SETBP1: variants seen among roughly 807,000 people sequenced by gnomAD.
The protein encoded by SETBP1 is SET binding protein 1, also known as SET-binding protein.
In SETBP1, 9 loss-of-function variants were observed where a neutral mutation model predicts 101.0. That is an observed-to-expected ratio of 0.09 (90% CI 0.05 to 0.16). The LOEUF (loss-of-function observed/expected upper bound fraction) is 0.16. SETBP1 is among the 10% of genes least tolerant of loss of function. SETBP1 has a pLI of 1.00. For missense variants in SETBP1, 1,858 were observed against 2,033.8 expected, an observed-to-expected ratio of 0.91 and a Z score of 1.66; for synonymous variants, 818 against 788.5, an observed-to-expected ratio of 1.04 and a Z score of -0.63.
chr18:44,760,759 G>T (rs2070620537), intron 2 of SETBP1, among the ~76,000 whole-genome samples: 1 of 152,144 alleles, frequency 6.6e-6, no homozygotes, highest in South Asian at 2.1e-4. Flanking sequence ...ATAGAGGGAG[G>T]TGTATATACT....
rs183200951 is a variant in SETBP1, at chr18:44,689,140, T to G, written c.-173+8119T>G. On this transcript the variant is annotated intron_variant, in intron 1 of 5. Transcript: ENST00000649279. ...ATTTCAAAGAGTATGTGTTTAGGATTTGATGGAAGATGTAGAACAAAGGGA... is the reference window on the plus strand; with the variant it reads ...ATTTCAAAGAGTATGTGTTTAGGATGTGATGGAAGATGTAGAACAAAGGGA... 2.9e-4 allele frequency among the ~76,000 whole-genome samples: 44 copies of G among 152,284 alleles called. 1 individual carries two copies. The highest frequency in any genetic ancestry group is 9.6e-4 in the African/African-American group (40 of 41,550).
intron 4 of SETBP1, among the ~76,000 whole-genome samples, chr18:45,032,811 A>G (rs527927514): frequency 7.8e-4 from 119 of 152,254 alleles, no homozygotes; most frequent in African/African-American, 2.5e-3. Flanking sequence ...TTTCTAATTC[A>G]CCCAAAGATG....
chr18:44,973,053 C>T (rs2071904166), intron 4 of SETBP1, among the ~76,000 whole-genome samples: 1 of 152,176 alleles, frequency 6.6e-6, no homozygotes, highest in Admixed American at 6.5e-5. Context: ...TCCGTCCCAT[C>T]AATACCTAAT....
intron 2 of SETBP1, among the ~76,000 whole-genome samples, chr18:44,809,197 A>G (rs781686005): frequency 3.9e-5 from 6 of 152,204 alleles, no homozygotes; most frequent in South Asian, 2.1e-4. Flanking sequence ...TCCTAGAAAC[A>G]TGAGGTTTCC....
intron 4 of SETBP1, among the ~76,000 whole-genome samples, chr18:45,032,714 G>T (rs1169748611): frequency 2.0e-5 from 3 of 152,106 alleles, no homozygotes; most frequent in Admixed American, 2.0e-4. Context: ...CACACAGAAA[G>T]CTGTGTCTTT....
intron 3 of SETBP1, among the ~76,000 whole-genome samples, chr18:44,942,739 A>G (rs1416127860): frequency 2.0e-5 from 3 of 152,198 alleles, no homozygotes; most frequent in Non-Finnish European, 4.4e-5. Flanking sequence ...CTATTACTCT[A>G]TCATGGCTGA....
At position 44,954,437 on chromosome 18, in the gene SETBP1, A is replaced by G. The variant is rs531322023; in HGVS notation, c.4000+1097A>G. Among the ~76,000 whole-genome samples, 85 of 151,894 alleles carry G rather than the reference A, an allele frequency of 5.6e-4. 1 individual carries two copies. Among genetic ancestry groups the G allele is most frequent in the East Asian group, 2.3e-3 (12 of 5,174 alleles). ...CTTTAAAAACCAATCATCCATGTTT[A>G]AGGTTTGGTGTAGCATTTCACTTCT... is the stretch of plus-strand genomic sequence containing the variant. On this transcript the variant is annotated intron_variant, in intron 4 of 5. Coordinates refer to ENST00000649279, the MANE Select transcript of SETBP1 (RefSeq NM_015559.3).
chr18:44,899,862 A>G (rs1189438296), intron 3 of SETBP1, among the ~76,000 whole-genome samples: 2 of 152,162 alleles, frequency 1.3e-5, no homozygotes, highest in South Asian at 2.1e-4. Context: ...AATAAATATT[A>G]TGATTAAAGG....
intron 3 of SETBP1, among the ~76,000 whole-genome samples, chr18:44,947,262 A>G (rs2071228173): frequency 6.6e-6 from 1 of 152,158 alleles, no homozygotes; most frequent in Non-Finnish European, 1.5e-5. Context: ...GAACACGAAA[A>G]AAACATTAAT....
At chr18:45,002,106 C>T (rs908746154) in intron 4 of SETBP1, among the ~76,000 whole-genome samples, 2 of 152,138 alleles carry the variant, frequency 1.3e-5, no homozygotes, top group Non-Finnish European at 2.9e-5. Context: ...AAGCCTTCTC[C>T]CCCACAGTTC....
chr18:44,862,984 G>A (rs2069048801), intron 2 of SETBP1, among the ~76,000 whole-genome samples: 2 of 152,030 alleles, frequency 1.3e-5, no homozygotes, highest in South Asian at 2.1e-4. Context: ...TATGACAGAG[G>A]TTTGTTTGTT....
In SETBP1 at chr18:45,063,522, C is replaced by A. The variant is rs774720855; in HGVS notation, c.4615C>A (p.Pro1539Thr). 2.4e-6 allele frequency: 3 copies of A among 1,248,566 alleles called. No homozygotes were observed. Among genetic ancestry groups the A allele is most frequent in the South Asian group, 1.7e-5 (1 of 58,196 alleles). 77.3% of individuals were successfully genotyped at this position (1,248,566 alleles called of 1,614,324 possible). A position where few individuals can be genotyped will look rare whatever the true frequency, so the allele number is the denominator to read the frequency against. Residue 1539 changes from proline to threonine, a missense_variant, in exon 6 of 6, where the codon CCC becomes ACC. By Grantham distance (38) the Pro-to-Thr change is conservative. Around this residue, in one of 12 missense-constraint regions of SETBP1, gnomAD observed 178 missense variants for 189.1 expected, o/e 0.94. Coordinates refer to ENST00000649279, the MANE Select transcript of SETBP1 (RefSeq NM_015559.3). ...PLPPPPPPPLPPPPPLPKTPR... is the reference protein window; with the variant it reads ...PLPPPPPPPLTPPPPLPKTPR... ...GCCGCCACCGCCGCCACCACCCCTG[C>A]CCCCGCCACCCCCTCTACCCAAGAC... is the stretch of plus-strand genomic sequence containing the variant.
intron 2 of SETBP1, among the ~76,000 whole-genome samples, chr18:44,802,813 A>G (rs2071633863): frequency 6.6e-6 from 1 of 152,154 alleles, no homozygotes; most frequent in South Asian, 2.1e-4. Flanking sequence ...CTCCTTAGTA[A>G]TAGCAGGTCT....
intron 3 of SETBP1, among the ~76,000 whole-genome samples, chr18:44,899,014 G>A (rs539572044): frequency 1.1e-4 from 16 of 152,272 alleles, no homozygotes; most frequent in Admixed American, 3.9e-4. Context: ...AAACAGCCCT[G>A]GGTCTCATAT....
intron 2 of SETBP1, among the ~76,000 whole-genome samples, chr18:44,799,797 G>C (rs2071563732): frequency 6.6e-6 from 1 of 152,112 alleles, no homozygotes; most frequent in Non-Finnish European, 1.5e-5. Flanking sequence ...CAATACTTCT[G>C]ACCTCACTCA....
At chr18:45,026,508 A>G (rs2073167149) in intron 4 of SETBP1, among the ~76,000 whole-genome samples, 1 of 152,168 alleles carries the variant, frequency 6.6e-6, no homozygotes, top group Admixed American at 6.5e-5. Flanking sequence ...AAGCTCCAAT[A>G]TGTTCAGCAA....
At chr18:44,840,681 C>T (rs2072597822) in intron 2 of SETBP1, among the ~76,000 whole-genome samples, 1 of 152,212 alleles carries the variant, frequency 6.6e-6, no homozygotes, top group Non-Finnish European at 1.5e-5. Flanking sequence ...TGGTCCAACT[C>T]TCACGTTCCC....
intron 2 of SETBP1, among the ~76,000 whole-genome samples, chr18:44,779,599 G>C (rs903759365): frequency 6.6e-6 from 1 of 152,090 alleles, no homozygotes; most frequent in Non-Finnish European, 1.5e-5. Flanking sequence ...AAGGGAGAGC[G>C]AGAGGGAAAA....
Position 45,038,592 on chromosome 18 carries a change from G to A in SETBP1, c.4108G>A (p.Val1370Ile). The change falls in exon 5 of 6, where the codon GTT becomes ATT. Residue 1370 changes from valine to isoleucine, a missense_variant. By Grantham distance (29) the Val-to-Ile change is conservative. Transcript: ENST00000649279. ...TRKKPAAVDSVTIPPAPVLSL... is the reference protein window; with the variant it reads ...TRKKPAAVDSITIPPAPVLSL... ...GAAGAAGCCAGCCGCAGTTGACAGT[G>A]TTACAATTCCACCAGCCCCAGTGTT... 6.2e-7 allele frequency: 1 copy of A among 1,614,194 alleles called. No homozygotes were observed. The highest frequency in any genetic ancestry group is 8.5e-7 in the Non-Finnish European group (1 of 1,180,022).
Sources: allele counts gnomAD v4.1 joint callset (sites outside exome capture counted in the v4.1 genomes callset), GRCh38; gene constraint gnomAD v4.1.1; regional missense constraint gnomAD v4.1.1; transcripts MANE v1.5; gene names NCBI Gene and HGNC (gene_info 2026-07-23, HGNC 2026-07-21).